The following FREM1 variants were observed in gnomAD, a reference collection of about 807,000 sequenced individuals.
FREM1 encodes FRAS1-related extracellular matrix protein 1.
FREM1 carries 220 observed loss-of-function variants against 210.1 expected under a neutral mutation model. The observed-to-expected ratio is 1.05, with a 90% CI of 0.94 to 1.17. The LOEUF is 1.17. FREM1 is among the 50% of genes most tolerant of loss of function. FREM1 has a pLI of 0.00. For synonymous variants in FREM1, 1,189 were observed against 980.2 expected, an observed-to-expected ratio of 1.21 and a Z score of -3.98; for missense variants, 3,454 against 2,675.5, an observed-to-expected ratio of 1.29 and a Z score of -6.42.
In FREM1 at chr9:14,737,180, A is replaced by C; in HGVS notation, c.*216T>G. The C allele has an allele frequency of 2.2e-6, 1 of 457,824 alleles. No individual in the cohort carries two copies. The highest frequency in any genetic ancestry group is 3.8e-6 in the Non-Finnish European group (1 of 261,666). The allele number at this position is 457,824 out of a possible 1,614,324, so 28.4% of individuals were successfully genotyped here. A position where few individuals can be genotyped will look rare whatever the true frequency, so the allele number is the denominator to read the frequency against. ...ATAATACTGCTGGCATTTATTTTAA[A>C]AGGTATTGAGATACAAAAATTGTAT... On this transcript the variant is annotated 3_prime_UTR_variant, in exon 37 of 37. Coordinates refer to ENST00000380880, the MANE Select transcript of FREM1 (RefSeq NM_001379081.2).
chr9:14,806,681 C>T lies in FREM1; in HGVS notation c.3254G>A (p.Ser1085Asn), dbSNP rs778342348. Residue 1085 changes from serine (S) to asparagine (N), a missense_variant, in exon 18 of 37, where the codon AGC becomes AAC. Physicochemically the swap from Ser to Asn is conservative, Grantham distance 46. Coordinates refer to ENST00000380880, the MANE Select transcript of FREM1 (RefSeq NM_001379081.2). Reference sequence around the variant, plus strand: ...CTTACCTATACTTATGCCAATATTGCTTTTTTCAAAACCCACAGAAGGGAG... The same window carrying T: ...CTTACCTATACTTATGCCAATATTGTTTTTTTCAAAACCCACAGAAGGGAG... ...NILPSVGFEK[S>N]NIGISIDSFQ... is the part of the protein sequence containing the mutation. 5 of 1,596,768 alleles carry T rather than the reference C, an allele frequency of 3.1e-6. No homozygotes were observed. Among genetic ancestry groups the T allele is most frequent in the Non-Finnish European group, 4.3e-6 (5 of 1,170,222 alleles).
intron 1 of FREM1, among the ~76,000 whole-genome samples, chr9:14,870,416 A>C (rs888077476): frequency 6.6e-6 from 1 of 152,204 alleles, no homozygotes. Context: ...GTCCACAATC[A>C]AGCTGACTTA....
At chr9:14,893,122 T>C (rs925527141) in intron 1 of FREM1, among the ~76,000 whole-genome samples, 2 of 152,168 alleles carry the variant, frequency 1.3e-5, no homozygotes, top group African/African-American at 4.8e-5. Context: ...AAGGAAACCC[T>C]GAAGCCTGGC....
intron 14 of FREM1, 43 bp from the exon 15 acceptor site, chr9:14,816,914 G>T: frequency 1.3e-6 from 1 of 750,656 alleles, no homozygotes; most frequent in Non-Finnish European, 2.0e-6. Flanking sequence ...GGAACAGTGT[G>T]AGAGTAAATT....
intron 1 of FREM1, among the ~76,000 whole-genome samples, chr9:14,883,603 C>G (rs1564164735): frequency 6.6e-6 from 1 of 152,102 alleles, no homozygotes; most frequent in Non-Finnish European, 1.5e-5. Flanking sequence ...AATTCTGAAG[C>G]AAACAAGATT....
At chr9:14,869,749 CTT>C (rs1832240040) in intron 1 of FREM1, among the ~76,000 whole-genome samples, 1 of 152,204 alleles carries the variant, frequency 6.6e-6, no homozygotes, top group Admixed American at 6.5e-5. Flanking sequence ...ACACTTCTGA[CTT>C]TGCTGGGCAA....
chr9:14,815,988 G>A (rs1407066620), intron 15 of FREM1, among the ~76,000 whole-genome samples: 3 of 152,000 alleles, frequency 2.0e-5, no homozygotes, highest in African/African-American at 7.2e-5. Context: ...TTTGTCAAGA[G>A]GGGGAAATAT....
chr9:14,777,008 A>C (rs1848710597), intron 24 of FREM1, among the ~76,000 whole-genome samples: 1 of 152,198 alleles, frequency 6.6e-6, no homozygotes, highest in South Asian at 2.1e-4. Context: ...GGCAGGTAGG[A>C]GATGAAGCTG....
intron 25 of FREM1, among the ~76,000 whole-genome samples, chr9:14,771,366 G>A (rs1242635353): frequency 2.0e-5 from 3 of 152,064 alleles, no homozygotes; most frequent in Non-Finnish European, 4.4e-5. Context: ...ACCTCAGTAA[G>A]GAAAAAGTGA....
intron 3 of FREM1, among the ~76,000 whole-genome samples, 175 bp downstream of exon 3, chr9:14,863,634 G>A (rs1830978335): frequency 6.6e-6 from 1 of 152,146 alleles, no homozygotes; most frequent in Non-Finnish European, 1.5e-5. Flanking sequence ...GGAAATAACT[G>A]AAAGTTGGCT....
chr9:14,791,236 A>G (rs990211209), intron 22 of FREM1: 1 of 152,166 alleles, frequency 6.6e-6, no homozygotes, highest in Non-Finnish European at 1.5e-5. Flanking sequence ...TCTGAATCAG[A>G]CTGAAATTTT....
chr9:14,797,753 TA>T (rs1260676485), intron 20 of FREM1, 111 bp from the exon 21 acceptor site: 2 of 878,766 alleles, frequency 2.3e-6, no homozygotes. Flanking sequence ...AGAGTTCATT[TA>T]TCAGTGCAGT....
chr9:14,877,600 T>C (rs1209009086), intron 1 of FREM1, among the ~76,000 whole-genome samples: 1 of 151,982 alleles, frequency 6.6e-6, no homozygotes, highest in Non-Finnish European at 1.5e-5. Flanking sequence ...TACATTTTGT[T>C]ATACAGGAGA....
intron 19 of FREM1, among the ~76,000 whole-genome samples, chr9:14,803,054 CTTTT>C (rs1563964240): frequency 5.0e-5 from 6 of 119,056 alleles, no homozygotes; most frequent in African/African-American, 1.5e-4. Flanking sequence ...CTTTCTCTTT[CTTTT>C]TCTTTTCTTT....
At position 14,816,817 on chromosome 9, in the gene FREM1, G is replaced by A. The variant is rs369150540; in HGVS notation, c.2601C>T (p.Thr867=). The A allele has an allele frequency of 1.0e-4, 151 of 1,439,504 alleles. No homozygotes were observed. In the East Asian group the frequency reaches 2.5e-3, roughly 24 times the overall value. The allele number at this position is 1,439,504 out of a possible 1,614,324, so 89.2% of individuals were successfully genotyped here. ...VLQDDLLLEV[T]DGTNSAEFVL... ...CAAATTCTGCTGAATTTGTGCCATC[G>A]GTGACCTCCAAGAGTAGGTCATCCT... The change falls in exon 15 of 37, where the codon ACC becomes ACT. Residue 867 remains threonine (T), a synonymous_variant. Coordinates refer to ENST00000380880, the MANE Select transcript of FREM1 (RefSeq NM_001379081.2).
At position 14,784,412 on chromosome 9, in the gene FREM1, T is replaced by C. The variant is rs751286950; in HGVS notation, c.4400A>G (p.Tyr1467Cys). Residue 1467 changes from tyrosine to cysteine, a missense_variant, in exon 24 of 37, where the codon TAT becomes TGT. Coordinates refer to ENST00000380880, the MANE Select transcript of FREM1 (RefSeq NM_001379081.2). Reference protein sequence around the residue: ...QMDVVGQTVCYVHKSKVTVSS... With the variant: ...QMDVVGQTVCCVHKSKVTVSS... ...GACAGTCACCTTGCTCTTGTGTACA[T>C]AGCAAACTGTCTGCCCCACTACATC... 57 of 1,613,792 alleles carry C rather than the reference T, an allele frequency of 3.5e-5. No homozygotes were observed. The highest frequency in any genetic ancestry group is 8.0e-5 in the African/African-American group (6 of 74,924).
At chr9:14,843,699 CA>C (rs150635357) in intron 8 of FREM1, among the ~76,000 whole-genome samples, 1,826 of 151,788 alleles carry the variant, frequency 0.012, 16 homozygotes, top group Non-Finnish European at 0.02. Flanking sequence ...TCTTACATGG[CA>C]GCAGTTCTTA....
Position 14,869,068 on chromosome 9 carries a change from G to C in FREM1, c.-91C>G. 4.8e-6 allele frequency: 4 copies of C among 824,926 alleles called. No homozygotes were observed. Among genetic ancestry groups the C allele is most frequent in the Non-Finnish European group, 5.6e-6 (3 of 538,538 alleles). The allele number at this position is 824,926 out of a possible 1,614,324, so 51.1% of individuals were successfully genotyped here. On this transcript the variant is annotated 5_prime_UTR_variant, in exon 2 of 37. Transcript: ENST00000380880. Reference sequence around the variant, plus strand: ...CTTCCTCCTGGAGGGTCAGCTCATAGTCCAAGGGGCAGGGTGAGGGGTCCT... The same window carrying C: ...CTTCCTCCTGGAGGGTCAGCTCATACTCCAAGGGGCAGGGTGAGGGGTCCT...
intron 30 of FREM1, 85 bp downstream of exon 30, chr9:14,750,042 G>T (rs1481742727): frequency 1.5e-6 from 2 of 1,321,182 alleles, no homozygotes; most frequent in Non-Finnish European, 2.1e-6. Context: ...TGATTTGAAG[G>T]TGTTATCAAG....
Sources: gnomAD v4.1 joint callset for allele counts (sites outside exome capture counted in the v4.1 genomes callset) on GRCh38, gnomAD v4.1.1 for gene constraint, MANE v1.5 for transcripts, NCBI Gene and HGNC (gene_info 2026-07-23, HGNC 2026-07-21) for gene names.